Variants in MAP3K5 observed in about 807,000 individuals in gnomAD.
The protein encoded by MAP3K5 is mitogen-activated protein kinase kinase kinase 5.
In MAP3K5, 56 loss-of-function variants were observed where a neutral mutation model predicts 158.7. The observed-to-expected ratio is 0.35, with a 90% confidence interval of 0.28 to 0.44. The LOEUF is 0.44. Ranked by LOEUF, MAP3K5 falls within the 20% of genes least tolerant of loss-of-function variation. The pLI is 1.00. For missense variants in MAP3K5, 1,294 were observed against 1,674.8 expected (o/e 0.77, Z 3.97); for synonymous variants, 579 against 601.7 (o/e 0.96, Z 0.55).
At position 136,651,110 on chromosome 6, in the gene MAP3K5, A is replaced by C. The variant is rs745710713; in HGVS notation, c.1681-19T>G. On this transcript the variant is annotated intron_variant, in intron 10 of 29. Coordinates refer to ENST00000359015, the MANE Select transcript of MAP3K5 (RefSeq NM_005923.4). ...TTAATACCTTGAAAAGATACGGCAA[A>C]GAAACTAATATCAGTGACTTAAGAC... The C allele has an allele frequency of 1.5e-6, 2 of 1,332,764 alleles. No homozygotes were observed. The highest frequency in any genetic ancestry group is 2.1e-6 in the Non-Finnish European group (2 of 932,994). 82.6% of individuals were successfully genotyped at this position (1,332,764 alleles called of 1,614,324 possible).
intron 1 of MAP3K5, among the ~76,000 whole-genome samples, chr6:136,721,772 A>G (rs1781754812): frequency 6.6e-6 from 1 of 152,134 alleles, no homozygotes; most frequent in Admixed American, 6.5e-5. Flanking sequence ...AATCTCAGCT[A>G]CTCAGGAGGC....
intron 1 of MAP3K5, among the ~76,000 whole-genome samples, chr6:136,781,830 A>G (rs1197353494): frequency 6.6e-6 from 1 of 152,236 alleles, no homozygotes; most frequent in Non-Finnish European, 1.5e-5. Flanking sequence ...GCCCCTGGAC[A>G]GCAGAAATAG....
chr6:136,720,609 T>TC lies in MAP3K5; in HGVS notation c.449-21dup. 1 of 1,595,306 alleles carries TC rather than the reference T, an allele frequency of 6.3e-7. No individual in the cohort carries two copies. The highest frequency in any genetic ancestry group is 8.5e-7 in the Non-Finnish European group (1 of 1,170,462). ...CAATATCTGCAAACAGAAAACAAAGTCCCCCAAAGAATGACACCCAAATAA... is the reference window on the plus strand; with the variant it reads ...CAATATCTGCAAACAGAAAACAAAGTCCCCCCAAAGAATGACACCCAAATAA... On this transcript the variant is annotated intron_variant, in intron 1 of 29. Coordinates refer to ENST00000359015, the MANE Select transcript of MAP3K5 (RefSeq NM_005923.4).
intron 25 of MAP3K5, among the ~76,000 whole-genome samples, chr6:136,573,563 C>G (rs545740744): frequency 8.5e-5 from 13 of 152,324 alleles, no homozygotes; most frequent in Middle Eastern, 6.8e-3. Flanking sequence ...TTTGCAGTGA[C>G]TGAATCCAGT....
At chr6:136,755,888 A>C (rs1783457515) in intron 1 of MAP3K5, among the ~76,000 whole-genome samples, 1 of 152,120 alleles carries the variant, frequency 6.6e-6, no homozygotes, top group Non-Finnish European at 1.5e-5. Context: ...AGTCAGGGTG[A>C]CTAGAGAGAA....
intron 28 of MAP3K5, among the ~76,000 whole-genome samples, chr6:136,561,023 GA>G (rs1306687344): frequency 6.7e-6 from 1 of 148,446 alleles, no homozygotes; most frequent in Admixed American, 6.7e-5. Flanking sequence ...TTAGAAACAA[GA>G]AATTTTTTCT....
chr6:136,668,843 C>T (rs1185422065), intron 8 of MAP3K5, among the ~76,000 whole-genome samples: 2 of 152,058 alleles, frequency 1.3e-5, no homozygotes, highest in Admixed American at 6.6e-5. Flanking sequence ...GGCTCTTCCC[C>T]CAACACCGGT....
At chr6:136,737,033 G>GTATATATA (rs796790486) in intron 1 of MAP3K5, among the ~76,000 whole-genome samples, 4,879 of 111,812 alleles carry the variant, frequency 0.044, 176 homozygotes, top group Admixed American at 0.075. Flanking sequence ...ATATATATGT[G>GTATATATA]TGTGTATATA....
intron 1 of MAP3K5, among the ~76,000 whole-genome samples, chr6:136,731,038 C>T (rs1782201689): frequency 6.6e-6 from 1 of 152,196 alleles, no homozygotes; most frequent in Non-Finnish European, 1.5e-5. Flanking sequence ...CAAATGCATT[C>T]TTGGGAGGAG....
chr6:136,680,726 AAAG>A (rs1779897095), intron 7 of MAP3K5, among the ~76,000 whole-genome samples: 1 of 152,228 alleles, frequency 6.6e-6, no homozygotes, highest in Non-Finnish European at 1.5e-5. Context: ...TTACAACAAA[AAAG>A]AATAGCTCAA....
intron 5 of MAP3K5, 140 bp from the exon 6 acceptor site, chr6:136,696,197 C>A: frequency 1.8e-6 from 1 of 559,922 alleles, no homozygotes; most frequent in Non-Finnish European, 3.2e-6. Flanking sequence ...CTTTGAAGAA[C>A]CTAGAATAAA....
intron 6 of MAP3K5, among the ~76,000 whole-genome samples, chr6:136,695,600 T>G (rs1780569637): frequency 6.6e-6 from 1 of 152,238 alleles, no homozygotes. Context: ...GTGAAAACTT[T>G]TGTGTGAATG....
intron 7 of MAP3K5, among the ~76,000 whole-genome samples, chr6:136,672,951 C>T (rs1446150731): frequency 6.8e-6 from 1 of 147,622 alleles, no homozygotes; most frequent in African/African-American, 2.5e-5. Flanking sequence ...GATCACACCA[C>T]TGCCCTCCTC....
chr6:136,691,438 C>T (rs1041827176), intron 7 of MAP3K5, among the ~76,000 whole-genome samples: 5 of 151,978 alleles, frequency 3.3e-5, no homozygotes, highest in African/African-American at 4.8e-5. Flanking sequence ...TGGGGAAACC[C>T]GGACTCAACT....
Position 136,622,868 on chromosome 6 carries a change from T to G in MAP3K5, c.2130A>C (p.Glu710Asp). 6.2e-7 allele frequency: 1 copy of G among 1,614,056 alleles called. No homozygotes were observed. Among genetic ancestry groups the G allele is most frequent in the Non-Finnish European group, 8.5e-7 (1 of 1,179,944 alleles). The change falls in exon 15 of 30, where the codon GAA becomes GAC. Residue 710 changes from glutamate to aspartate, a missense_variant. By Grantham distance (45) the Glu-to-Asp change is conservative. Transcript: ENST00000359015. ...TGTACCTGCTGTCTCTCTCTGGGAT[T>G]TCCTTAATAGCAATTCTGACTTGGT... ...LSNQVRIAIK[E>D]IPERDSRYSQ...
At chr6:136,743,381 C>CGGA (rs1315167526) in intron 1 of MAP3K5, among the ~76,000 whole-genome samples, 2 of 150,702 alleles carry the variant, frequency 1.3e-5, no homozygotes, top group African/African-American at 4.9e-5. Flanking sequence ...ACCCGGGAGG[C>CGGA]GGAGGTTGCA....
chr6:136,633,737 A>G (rs1213487170), intron 14 of MAP3K5, among the ~76,000 whole-genome samples: 1 of 152,242 alleles, frequency 6.6e-6, no homozygotes, highest in African/African-American at 2.4e-5. Context: ...AATTCTAGGA[A>G]TTAGTTTCAC....
Position 136,651,036 on chromosome 6 carries a change from T to C in MAP3K5, c.1736A>G (p.Asn579Ser). Reference protein sequence around the residue: ...IYQPSYLSINNEVEEKTISIW... With the variant: ...IYQPSYLSINSEVEEKTISIW... ...AGAGATTGTCTTTTCCTCAACTTCA[T>C]TGTTGATAGACAAATAAGAAGGTTG... Residue 579 changes from asparagine (N) to serine (S), a missense_variant, in exon 11 of 30, where the codon AAT (asparagine) becomes AGT (serine). Physicochemically the swap from Asn to Ser is conservative, Grantham distance 46. Coordinates refer to ENST00000359015, the MANE Select transcript of MAP3K5 (RefSeq NM_005923.4). 1 of 1,612,128 alleles carries C rather than the reference T, an allele frequency of 6.2e-7. No homozygotes were observed. The highest frequency in any genetic ancestry group is 8.5e-7 in the Non-Finnish European group (1 of 1,178,790).
At chr6:136,689,589 C>T (rs1289393206) in intron 7 of MAP3K5, among the ~76,000 whole-genome samples, 1 of 152,106 alleles carries the variant, frequency 6.6e-6, no homozygotes, top group African/African-American at 2.4e-5. Context: ...GGGCTCTGAC[C>T]CCATGAAAGG....
Sources: allele counts gnomAD v4.1 joint callset (sites outside exome capture counted in the v4.1 genomes callset), GRCh38; gene constraint gnomAD v4.1.1; transcripts MANE v1.5; gene names NCBI Gene and HGNC (gene_info 2026-07-23, HGNC 2026-07-21).